AGBL4: variants seen among roughly 807,000 people sequenced by gnomAD.
AGBL4 encodes cytosolic carboxypeptidase 6.
AGBL4 carries 58 observed loss-of-function variants against 66.4 expected under a neutral mutation model. The observed-to-expected ratio is 0.87, with a 90% CI of 0.71 to 1.09. The LOEUF (loss-of-function observed/expected upper bound fraction) is 1.09. Ranked by LOEUF, AGBL4 falls within the 50% of genes least tolerant of loss-of-function variation. AGBL4 has a pLI of 0.00. For synonymous variants in AGBL4, 234 were observed against 222.9 expected (o/e 1.05, Z -0.44); for missense variants, 579 against 631.0 (o/e 0.92, Z 0.88).
chr1:48,935,196 G>A (rs1288092397), intron 5 of AGBL4, among the ~76,000 whole-genome samples: 5 of 152,052 alleles, frequency 3.3e-5, no homozygotes, highest in African/African-American at 7.2e-5. Context: ...ACTATGCCAC[G>A]CTGCTGTTTA....
At chr1:48,743,704 C>T (rs1485251899) in intron 6 of AGBL4, among the ~76,000 whole-genome samples, 2 of 152,200 alleles carry the variant, frequency 1.3e-5, no homozygotes, top group Non-Finnish European at 2.9e-5. Flanking sequence ...AACTCACAGA[C>T]CAGCCTTCTC....
chr1:49,666,830 G>T (rs564232955), intron 3 of AGBL4, among the ~76,000 whole-genome samples: 1 of 152,112 alleles, frequency 6.6e-6, no homozygotes, highest in South Asian at 2.1e-4. Context: ...TTACCAAGAG[G>T]TTAAATAATT....
At chr1:48,810,994 C>G (rs1183624198) in intron 6 of AGBL4, among the ~76,000 whole-genome samples, 1 of 152,304 alleles carries the variant, frequency 6.6e-6, no homozygotes, top group East Asian at 1.9e-4. Flanking sequence ...TGTAACTGAT[C>G]CTGCGTGGAG....
intron 2 of AGBL4, among the ~76,000 whole-genome samples, chr1:49,710,262 A>G (rs1647546851): frequency 6.6e-6 from 1 of 152,200 alleles, no homozygotes; most frequent in East Asian, 1.9e-4. Context: ...ATGCAGCCAT[A>G]AAAAGGATGA....
chr1:49,852,704 A>G (rs1236073533), intron 1 of AGBL4, among the ~76,000 whole-genome samples: 1 of 152,142 alleles, frequency 6.6e-6, no homozygotes, highest in Non-Finnish European at 1.5e-5. Context: ...ACATTCCCAG[A>G]GAATACTATA....
At chr1:49,296,069 C>A (rs1482528607) in intron 3 of AGBL4, among the ~76,000 whole-genome samples, 2 of 152,058 alleles carry the variant, frequency 1.3e-5, no homozygotes, top group Non-Finnish European at 2.9e-5. Context: ...TCAACTAAGA[C>A]CCTTAAAAAT....
At position 48,534,894 on chromosome 1, in the gene AGBL4, T is replaced by G; in HGVS notation, c.1387A>C (p.Arg463=). 6.4e-7 allele frequency: 1 copy of G among 1,551,478 alleles called. No individual in the cohort carries two copies. Among genetic ancestry groups the G allele is most frequent in the Non-Finnish European group, 8.7e-7 (1 of 1,146,774 alleles). ...CATCTTGAAGCAGTTCCTTACCTTC[T>G]CTGGACTTCTATTTCTTTATTTCTA... ...RLRNKEIEVQ[R]RKEKSPPYKH... is the part of the protein sequence containing the mutation. The change falls in exon 13 of 14, where the codon AGA becomes CGA. Residue 463 remains arginine, a synonymous_variant. Transcript: ENST00000371839.
At chr1:49,205,192 A>G (rs745500527) in intron 4 of AGBL4, among the ~76,000 whole-genome samples, 2 of 152,006 alleles carry the variant, frequency 1.3e-5, no homozygotes, top group Non-Finnish European at 2.9e-5. Context: ...TTGATTCCCC[A>G]CATGGCTTTA....
chr1:49,758,794 G>A (rs2147856651), intron 2 of AGBL4, among the ~76,000 whole-genome samples: 1 of 151,596 alleles, frequency 6.6e-6, no homozygotes. Flanking sequence ...AGTTAATGCT[G>A]GAATGACTTA....
chr1:48,711,190 G>C (rs1407092854), intron 6 of AGBL4, among the ~76,000 whole-genome samples: 4 of 152,324 alleles, frequency 2.6e-5, no homozygotes, highest in Admixed American at 1.3e-4. Flanking sequence ...GATGACAAAG[G>C]CTGGGCTGCA....
At position 49,470,391 on chromosome 1, in the gene AGBL4, A is replaced by T. The variant is rs1051615203; in HGVS notation, c.283-224527T>A. ...CTATTTGAGAGAGAGAATAGGAGAA[A>T]CTAATTTACTATCCGTTTCTCTATA... On this transcript the variant is annotated intron_variant, in intron 3 of 13. Transcript: ENST00000371839. Among the ~76,000 whole-genome samples the T allele has an allele frequency of 5.3e-5, 8 of 152,148 alleles. No individual in the cohort carries two copies. In the East Asian group the frequency reaches 1.6e-3, roughly 30 times the overall value.
intron 3 of AGBL4, among the ~76,000 whole-genome samples, chr1:49,583,043 T>TA (rs1644576048): frequency 6.6e-6 from 1 of 152,200 alleles, no homozygotes. Context: ...TCCTAAGTGA[T>TA]ACACGTGTTA....
intron 4 of AGBL4, among the ~76,000 whole-genome samples, chr1:49,138,387 T>A (rs891975715): frequency 1.3e-5 from 2 of 151,670 alleles, no homozygotes; most frequent in African/African-American, 4.8e-5. Flanking sequence ...AAACATCGTT[T>A]CTTCTTCCTA....
intron 2 of AGBL4, among the ~76,000 whole-genome samples, chr1:49,779,800 C>A (rs1358583392): frequency 6.6e-6 from 1 of 152,118 alleles, no homozygotes; most frequent in Non-Finnish European, 1.5e-5. Context: ...AGAATTTTGG[C>A]CTGGACCCTG....
At chr1:49,469,569 A>G (rs1193687123) in intron 3 of AGBL4, among the ~76,000 whole-genome samples, 1 of 151,944 alleles carries the variant, frequency 6.6e-6, no homozygotes, top group Admixed American at 6.6e-5. Context: ...GTGGTAGTAT[A>G]CATTTATACC....
chr1:50,018,234 C>T (rs749605699), intron 1 of AGBL4, among the ~76,000 whole-genome samples: 6 of 151,966 alleles, frequency 3.9e-5, no homozygotes, highest in Non-Finnish European at 5.9e-5. Flanking sequence ...TTTAGAGACT[C>T]AAAAGTATAC....
intron 3 of AGBL4, among the ~76,000 whole-genome samples, chr1:49,390,979 C>T (rs1194714492): frequency 6.6e-6 from 1 of 151,990 alleles, no homozygotes; most frequent in Non-Finnish European, 1.5e-5. Flanking sequence ...GGGAAGAGTT[C>T]AAGAGGAGAT....
intron 1 of AGBL4, among the ~76,000 whole-genome samples, chr1:49,916,977 C>A (rs1651592508): frequency 6.6e-6 from 1 of 152,130 alleles, no homozygotes; most frequent in Admixed American, 6.5e-5. Flanking sequence ...TTTATCCACC[C>A]AAACTAAGCT....
chr1:48,558,015 T>C (rs1644345987), intron 11 of AGBL4, among the ~76,000 whole-genome samples: 1 of 152,144 alleles, frequency 6.6e-6, no homozygotes, highest in African/African-American at 2.4e-5. Flanking sequence ...AGTAAAGGAA[T>C]AAATAAATAA....
Sources: allele counts gnomAD v4.1 joint callset (sites outside exome capture counted in the v4.1 genomes callset), GRCh38; gene constraint gnomAD v4.1.1; transcripts MANE v1.5; gene names NCBI Gene and HGNC (gene_info 2026-07-23, HGNC 2026-07-21).